The following CFAP77 variants were observed in gnomAD, a reference collection of about 807,000 sequenced individuals.
CFAP77 encodes the protein cilia- and flagella-associated protein 77.
CFAP77 carries 25 observed loss-of-function variants against 31.1 expected under a neutral mutation model. The observed-to-expected ratio is 0.80, with a 90% CI of 0.59 to 1.12. The LOEUF (loss-of-function observed/expected upper bound fraction) is 1.12. Among genes scored for constraint, CFAP77 ranks in the 50% most tolerant of loss-of-function variants. The pLI, the probability that CFAP77 is intolerant of heterozygous loss-of-function variation, is 0.00. For missense variants in CFAP77, 377 were observed against 397.3 expected (o/e 0.95, Z 0.44); for synonymous variants, 151 against 159.9 (o/e 0.94, Z 0.42).
intron 1 of CFAP77, among the ~76,000 whole-genome samples, chr9:132,467,229 A>G (rs960523531): frequency 3.9e-5 from 6 of 152,132 alleles, no homozygotes; most frequent in African/African-American, 1.4e-4. Flanking sequence ...CATCTTAACT[A>G]TTTTAGGGTG....
At chr9:132,464,732 C>T (rs982482114) in intron 1 of CFAP77, among the ~76,000 whole-genome samples, 6 of 152,034 alleles carry the variant, frequency 3.9e-5, no homozygotes, top group East Asian at 1.9e-4. Flanking sequence ...AGTGGCCACA[C>T]GTGGGCTGTG....
At chr9:132,467,802 C>A (rs1308829753) in intron 1 of CFAP77, among the ~76,000 whole-genome samples, 1 of 152,182 alleles carries the variant, frequency 6.6e-6, no homozygotes, top group Non-Finnish European at 1.5e-5. Context: ...TATCCTTTGG[C>A]CTTCCCACCA....
intron 1 of CFAP77, among the ~76,000 whole-genome samples, chr9:132,422,435 C>T (rs759316763): frequency 3.3e-5 from 5 of 152,310 alleles, no homozygotes; most frequent in Non-Finnish European, 4.4e-5. Context: ...GAAGATACCA[C>T]GGATGCTATG....
At chr9:132,456,874 C>T (rs1434095894) in intron 1 of CFAP77, among the ~76,000 whole-genome samples, 1 of 152,136 alleles carries the variant, frequency 6.6e-6, no homozygotes, top group Non-Finnish European at 1.5e-5. Context: ...CCTCAGCCTC[C>T]TGAGTAGCTG....
chr9:132,469,599 C>T (rs920132681), intron 1 of CFAP77, among the ~76,000 whole-genome samples: 1 of 152,126 alleles, frequency 6.6e-6, no homozygotes, highest in African/African-American at 2.4e-5. Context: ...TCTGCAAAGT[C>T]CATGCATCAC....
chr9:132,487,930 G>T (rs112028698), intron 1 of CFAP77, among the ~76,000 whole-genome samples: 112 of 152,082 alleles, frequency 7.4e-4, no homozygotes, highest in African/African-American at 2.6e-3. Flanking sequence ...CTTTTCATTC[G>T]AGGATCTTAA....
At position 132,545,307 on chromosome 9, in the gene CFAP77, T is replaced by C. The variant is rs909863975; in HGVS notation, c.732+2260T>C. On this transcript the variant is annotated intron_variant, in intron 5 of 5. Transcript: ENST00000393216. The surrounding 1 kb of genome is among the most constrained non-coding windows in gnomAD (Gnocchi z 4.6). ...CATTTCAGCCTCAGAACAAGAGTCC[T>C]GACCAGGTGGTGCAGATGAAAGGCA... is the stretch of plus-strand genomic sequence containing the variant. Among the ~76,000 whole-genome samples the C allele has an allele frequency of 6.6e-6, 1 of 152,208 alleles. No individual in the cohort carries two copies. The highest frequency in any genetic ancestry group is 1.5e-5 in the Non-Finnish European group (1 of 68,036).
At chr9:132,569,136 T>C (rs898120470) in intron 5 of CFAP77, among the ~76,000 whole-genome samples, 5 of 152,180 alleles carry the variant, frequency 3.3e-5, no homozygotes, top group African/African-American at 1.2e-4. Flanking sequence ...GTTACAAATA[T>C]CTTTCAGAAA....
At chr9:132,484,325 A>G (rs1262257885) in intron 1 of CFAP77, among the ~76,000 whole-genome samples, 2 of 152,188 alleles carry the variant, frequency 1.3e-5, no homozygotes, top group African/African-American at 2.4e-5. Context: ...TATATTCGCA[A>G]TGTCATACAA....
chr9:132,485,282 G>C (rs946657728), intron 1 of CFAP77, among the ~76,000 whole-genome samples: 1 of 152,156 alleles, frequency 6.6e-6, no homozygotes, highest in Non-Finnish European at 1.5e-5. Flanking sequence ...TGCCTACATT[G>C]TGAAATGCTC....
intron 5 of CFAP77, among the ~76,000 whole-genome samples, chr9:132,559,201 T>C (rs1930637): frequency 0.029 from 4,412 of 150,706 alleles, 87 homozygotes; most frequent in Middle Eastern, 0.089. Flanking sequence ...AAAAATTAGC[T>C]GGGTGTGGTG....
At chr9:132,568,999 C>T (rs945879987) in intron 5 of CFAP77, among the ~76,000 whole-genome samples, 5 of 152,078 alleles carry the variant, frequency 3.3e-5, no homozygotes, top group African/African-American at 7.2e-5. Context: ...CTTGTCTGGC[C>T]GTTGATGGCT....
At position 132,508,142 on chromosome 9, in the gene CFAP77, C is replaced by G. The variant is rs541860915; in HGVS notation, c.524+8542C>G. On this transcript the variant is annotated intron_variant, in intron 3 of 5. Transcript: ENST00000393216. Reference sequence around the variant, plus strand: ...TATCAGAAGCAAAGAGAGAGTCCATCTGAGACCCAGAGAGGGGACGTTAAA... The same window carrying G: ...TATCAGAAGCAAAGAGAGAGTCCATGTGAGACCCAGAGAGGGGACGTTAAA... 2.6e-5 allele frequency among the ~76,000 whole-genome samples: 4 copies of G among 152,326 alleles called. No homozygotes were observed. The South Asian group carries it at 6.2e-4, about 24-fold the overall frequency.
At chr9:132,425,779 A>G (rs1850303409) in intron 1 of CFAP77, among the ~76,000 whole-genome samples, 1 of 152,210 alleles carries the variant, frequency 6.6e-6, no homozygotes, top group African/African-American at 2.4e-5. Flanking sequence ...TGAAAGGGTG[A>G]TCATTTACCT....
At chr9:132,459,671 T>C (rs1322849411) in intron 1 of CFAP77, among the ~76,000 whole-genome samples, 1 of 151,746 alleles carries the variant, frequency 6.6e-6, no homozygotes, top group African/African-American at 2.4e-5. Flanking sequence ...CATGTGTGCA[T>C]ATTTATGTGT....
rs1038731225 is a variant in CFAP77 at position 132,545,740 on chromosome 9, G to A, written c.732+2693G>A. 1.3e-5 allele frequency among the ~76,000 whole-genome samples: 2 copies of A among 152,130 alleles called. No individual in the cohort carries two copies. The highest frequency in any genetic ancestry group is 2.9e-5 in the Non-Finnish European group (2 of 68,024). ...TTTACCGAGCCCTTAGAATGCACCC[G>A]GCGCTGAGCAGGTCTCATCTCATAG... On this transcript the variant is annotated intron_variant, in intron 5 of 5. Transcript: ENST00000393216. This position sits in a 1 kb window ranked among gnomAD's most constrained non-coding sequence, Gnocchi z 4.6.
intron 1 of CFAP77, among the ~76,000 whole-genome samples, chr9:132,440,192 C>T (rs1364157893): frequency 6.6e-6 from 1 of 151,942 alleles, no homozygotes; most frequent in Non-Finnish European, 1.5e-5. Flanking sequence ...AAAAAATTAG[C>T]TGGGCATGGT....
At chr9:132,452,791 G>T (rs928909564) in intron 1 of CFAP77, among the ~76,000 whole-genome samples, 1 of 152,114 alleles carries the variant, frequency 6.6e-6, no homozygotes. Flanking sequence ...TGTCCCAGAA[G>T]GAACTAAACA....
chr9:132,516,260 CA>C (rs879526767), intron 3 of CFAP77, among the ~76,000 whole-genome samples: 10 of 152,202 alleles, frequency 6.6e-5, no homozygotes, highest in Admixed American at 6.5e-4. Flanking sequence ...CCAAACTAAG[CA>C]TGTCTGCAGG....
Sources: allele counts gnomAD v4.1 joint callset (sites outside exome capture counted in the v4.1 genomes callset), GRCh38; gene constraint gnomAD v4.1.1; non-coding constraint Gnocchi (gnomAD v3.1); transcripts MANE v1.5; gene names NCBI Gene and HGNC (gene_info 2026-07-23, HGNC 2026-07-21).